DACT2: variants seen among roughly 807,000 people sequenced by gnomAD.
DACT2 encodes dishevelled binding antagonist of beta catenin 2, also known as dapper homolog 2.
In DACT2, 20 loss-of-function variants were observed where a neutral mutation model predicts 22.2. The observed-to-expected ratio is 0.90, with a 90% CI of 0.63 to 1.31. The LOEUF is 1.31. Among genes scored for constraint, DACT2 ranks in the 50% most tolerant of loss-of-function variants. DACT2 has a pLI of 0.00. For missense variants in DACT2, 1,048 were observed against 1,061.4 expected (o/e 0.99, Z 0.18); for synonymous variants, 463 against 479.8 (o/e 0.96, Z 0.46).
intron 1 of DACT2, among the ~76,000 whole-genome samples, chr6:168,313,681 C>T (rs2114916867): frequency 6.6e-6 from 1 of 152,240 alleles, no homozygotes; most frequent in South Asian, 2.1e-4. Context: ...TTTGTGAGGC[C>T]ACACCTCAAC....
intron 1 of DACT2, among the ~76,000 whole-genome samples, chr6:168,314,712 G>T (rs2114918258): frequency 6.6e-6 from 1 of 152,280 alleles, no homozygotes; most frequent in East Asian, 1.9e-4. Flanking sequence ...ATGCCTTACT[G>T]TTCAGGATAT....
chr6:168,294,983 C>T (rs1420831712), intron 3 of DACT2, among the ~76,000 whole-genome samples: 6 of 152,186 alleles, frequency 3.9e-5, no homozygotes, highest in Non-Finnish European at 8.8e-5. Context: ...CCTTTCACAG[C>T]ACCGAGTCTT....
At chr6:168,304,917 A>G (rs1254731297), downstream of DACT2, among the ~76,000 whole-genome samples, 1 of 152,206 alleles carries the variant, frequency 6.6e-6, no homozygotes, top group South Asian at 2.1e-4. Context: ...GAGGACCCCC[A>G]TGGAATCTGT....
intron 3 of DACT2, among the ~76,000 whole-genome samples, chr6:168,309,775 A>T (rs1238372405): frequency 6.6e-6 from 1 of 152,240 alleles, no homozygotes; most frequent in African/African-American, 2.4e-5. Flanking sequence ...CTTTGGAGAC[A>T]GTCTGAAGAC....
rs540676423 is a variant in DACT2 at position 168,308,075 on chromosome 6, C to A, written c.1682G>T (p.Cys561Phe). ...CATGGGGTAGAGGGTGGACTCAGAACAGGAGCGCCCGGGTGCCTCCCAGGC... is the reference window on the plus strand; with the variant it reads ...CATGGGGTAGAGGGTGGACTCAGAAAAGGAGCGCCCGGGTGCCTCCCAGGC... Reference protein sequence around the residue: ...ALAWEAPGRSCSESTLYPMPV... With the variant: ...ALAWEAPGRSFSESTLYPMPV... The change falls in exon 4 of 4, where the codon TGT becomes TTT. Residue 561 changes from cysteine (C) to phenylalanine (F), a missense_variant. Coordinates refer to ENST00000366795, the MANE Select transcript of DACT2 (RefSeq NM_214462.5). 9 of 1,545,052 alleles carry A rather than the reference C, an allele frequency of 5.8e-6. No individual in the cohort carries two copies. In the East Asian group the frequency reaches 1.7e-4, roughly 29 times the overall value.
At chr6:168,293,919 G>A (rs1319711914) in exon 6 of DACT2, 4 of 703,428 alleles carry the variant, frequency 5.7e-6, no homozygotes, top group Admixed American at 4.0e-5. Context: ...AATTCCTGAT[G>A]ATTTTGTCTT....
At chr6:168,315,800 G>A (rs1779531218) in intron 1 of DACT2, among the ~76,000 whole-genome samples, 1 of 152,150 alleles carries the variant, frequency 6.6e-6, no homozygotes, top group South Asian at 2.1e-4. Context: ...CCTGAATGAT[G>A]ACCAATGGAC....
chr6:168,319,510 G>A lies in DACT2; in HGVS notation c.124C>T (p.Arg42Trp). 2.3e-6 allele frequency: 3 copies of A among 1,330,492 alleles called. No homozygotes were observed. The highest frequency in any genetic ancestry group is 1.8e-5 in the South Asian group (1 of 54,322). 82.4% of individuals were successfully genotyped at this position (1,330,492 alleles called of 1,614,324 possible). A position where few individuals can be genotyped will look rare whatever the true frequency, so the allele number is the denominator to read the frequency against. Residue 42 changes from arginine to tryptophan, a missense_variant, in exon 1 of 4, where the codon CGG becomes TGG. Coordinates refer to ENST00000366795, the MANE Select transcript of DACT2 (RefSeq NM_214462.5). ...TGCAGGGCCAGGGCGCCCCGTACCC[G>A]CTCCTGCTGCGTGGCTCGCAGCCCC... ...LQGLRATQQE[R>W]VRGALALQPP... is the part of the protein sequence containing the mutation.
rs566829000 is a variant in DACT2 at position 168,311,304 on chromosome 6, A to G, written c.247-20T>C. On this transcript the variant is annotated intron_variant, in intron 1 of 3. Coordinates refer to ENST00000366795, the MANE Select transcript of DACT2 (RefSeq NM_214462.5). Reference sequence around the variant, plus strand: ...CCGGGACTGAGAAGGGAAAGAAGAGAAAGGGAACTGTTGTACCTATGGAAA... The same window carrying G: ...CCGGGACTGAGAAGGGAAAGAAGAGGAAGGGAACTGTTGTACCTATGGAAA... 705 of 1,535,246 alleles carry G rather than the reference A, an allele frequency of 4.6e-4. 8 individuals are homozygous for G. In the South Asian group the frequency reaches 7.7e-3, roughly 17 times the overall value.
chr6:168,315,075 C>T (rs907784148), intron 1 of DACT2, among the ~76,000 whole-genome samples: 7 of 152,302 alleles, frequency 4.6e-5, no homozygotes, highest in East Asian at 1.9e-4. Context: ...CAGAATCAGA[C>T]GCGCAGCTTG....
rs1424259140 is a variant in DACT2 at position 168,307,545 on chromosome 6, C to T, written c.2212G>A (p.Gly738Arg). The change falls in exon 4 of 4, where the codon GGG becomes AGG. Residue 738 changes from glycine to arginine, a missense_variant. Transcript: ENST00000366795. This position sits in a 1 kb window ranked among gnomAD's most constrained non-coding sequence, Gnocchi z 5.3. ...AWTQEAPVSS[G>R]PLLSPVPKLC... is the part of the protein sequence containing the mutation. ...TTGGGCACGGGGGACAGGAGTGGCC[C>T]CGAGCTGACCGGGGCCTCCTGGGTC... 1.9e-6 allele frequency: 3 copies of T among 1,551,274 alleles called. No individual in the cohort carries two copies. The highest frequency in any genetic ancestry group is 2.6e-6 in the Non-Finnish European group (3 of 1,146,932).
At chr6:168,310,551 T>C in intron 2 of DACT2, 105 bp from the exon 3 acceptor site, 1 of 1,428,460 alleles carries the variant, frequency 7.0e-7, no homozygotes, top group African/African-American at 1.5e-5. Flanking sequence ...GGGGAACCCC[T>C]GAGCTGAGGC....
At chr6:168,311,584 C>CAAACACA (rs1562498529) in intron 1 of DACT2, among the ~76,000 whole-genome samples, 1 of 86,102 alleles carries the variant, frequency 1.2e-5, no homozygotes, top group African/African-American at 5.0e-5. Context: ...ACACACCCAT[C>CAAACACA]CACACACACA....
At chr6:168,311,886 T>C (rs559645303) in intron 1 of DACT2, among the ~76,000 whole-genome samples, 1 of 152,362 alleles carries the variant, frequency 6.6e-6, no homozygotes, top group Non-Finnish European at 1.5e-5. Flanking sequence ...CGTAAGGGTT[T>C]ACTCTCCTGT....
At chr6:168,312,543 C>T (rs948369611) in intron 1 of DACT2, among the ~76,000 whole-genome samples, 5 of 152,342 alleles carry the variant, frequency 3.3e-5, no homozygotes, top group Admixed American at 2.6e-4. Flanking sequence ...GAGGCTGCGC[C>T]TTCTCCTGGC....
At chr6:168,309,123 C>A in intron 3 of DACT2, 25 bp from the exon 4 acceptor site, 1 of 1,491,616 alleles carries the variant, frequency 6.7e-7, no homozygotes, top group Non-Finnish European at 8.9e-7. Flanking sequence ...AATGAACAAA[C>A]ACGTAACTAC....
At chr6:168,310,521 TCA>T in intron 2 of DACT2, 75 bp from the exon 3 acceptor site, 1 of 1,506,874 alleles carries the variant, frequency 6.6e-7, no homozygotes, top group African/African-American at 1.4e-5. Context: ...CCTGAGCTTG[TCA>T]CGGCACAGGT....
chr6:168,318,684 C>G (rs1005134346), intron 1 of DACT2, among the ~76,000 whole-genome samples: 4 of 152,034 alleles, frequency 2.6e-5, no homozygotes, highest in Non-Finnish European at 5.9e-5. Context: ...GAGTGGAGTT[C>G]CTTTCATTGT....
At chr6:168,304,767 G>A (rs1779170591), downstream of DACT2, among the ~76,000 whole-genome samples, 1 of 152,184 alleles carries the variant, frequency 6.6e-6, no homozygotes, top group South Asian at 2.1e-4. Flanking sequence ...ACTCAGCCAG[G>A]CTATGAGGAG....
Sources: allele counts gnomAD v4.1 joint callset (sites outside exome capture counted in the v4.1 genomes callset), GRCh38; gene constraint gnomAD v4.1.1; non-coding constraint Gnocchi (gnomAD v3.1); transcripts MANE v1.5; gene names NCBI Gene and HGNC (gene_info 2026-07-23, HGNC 2026-07-21).